Variants in CDH22 observed in about 807,000 individuals in gnomAD.
CDH22 encodes cadherin-22.
In CDH22, 30 loss-of-function variants were observed where a neutral mutation model predicts 58.4. The observed-to-expected ratio is 0.51, with a 90% CI of 0.38 to 0.70. CDH22 has a LOEUF of 0.70. CDH22 is among the 30% of genes least tolerant of loss of function. The probability of loss-of-function intolerance (pLI) is 0.00; values close to 1 mark genes in which losing one functional copy is unlikely to be tolerated. For missense variants in CDH22, 1,014 were observed against 1,233.9 expected, an observed-to-expected ratio of 0.82 and a Z score of 2.67; for synonymous variants, 513 against 558.2, an observed-to-expected ratio of 0.92 and a Z score of 1.14.
At chr20:46,224,327 A>C (rs1400657144) in intron 4 of CDH22, among the ~76,000 whole-genome samples, 1 of 152,232 alleles carries the variant, frequency 6.6e-6, no homozygotes, top group African/African-American at 2.4e-5. Context: ...TGCCTAGCAC[A>C]GAGCCAGGCA....
intron 1 of CDH22, among the ~76,000 whole-genome samples, chr20:46,275,364 C>T (rs1332270448): frequency 6.6e-5 from 10 of 152,128 alleles, no homozygotes. Flanking sequence ...TGCCATCTGA[C>T]TATCTTTGTT....
Position 46,241,807 on chromosome 20 carries a change from T to C in CDH22, c.256-550A>G, listed in dbSNP as rs1352844769. On this transcript the variant is annotated intron_variant, in intron 2 of 11. Transcript: ENST00000537909. This position sits in a 1 kb window ranked among gnomAD's most constrained non-coding sequence, Gnocchi z 5.2. ...CATGTTCAGCCTTGTAGGATGGCTG[T>C]AGCCAGCACTTCTCAAACTCTAGTA... Among the ~76,000 whole-genome samples the C allele has an allele frequency of 6.6e-6, 1 of 152,244 alleles. No homozygotes were observed. Among genetic ancestry groups the C allele is most frequent in the Non-Finnish European group, 1.5e-5 (1 of 68,040 alleles).
chr20:46,181,779 C>CTTTA (rs1363370122), intron 10 of CDH22, among the ~76,000 whole-genome samples: 4 of 127,800 alleles, frequency 3.1e-5, no homozygotes, highest in Non-Finnish European at 6.5e-5. Context: ...TTCTTTCTTT[C>CTTTA]TTTCTTTCTT....
In CDH22 at chr20:46,244,223, C is replaced by T. The variant is rs6074077; in HGVS notation, c.256-2966G>A. On this transcript the variant is annotated intron_variant, in intron 2 of 11. Coordinates refer to ENST00000537909, the MANE Select transcript of CDH22 (RefSeq NM_021248.3). ...CTTACGAGTGAGGAATGGAGAGGAG[C>T]GAGTAGAACCTAGTGGTGATGTCAT... Among the ~76,000 whole-genome samples the T allele has an allele frequency of 2.6e-5, 4 of 152,010 alleles. No homozygotes were observed. The South Asian group carries it at 6.2e-4, about 24-fold the overall frequency.
intron 1 of CDH22, among the ~76,000 whole-genome samples, chr20:46,290,516 G>T (rs1398976095): frequency 6.6e-6 from 1 of 152,234 alleles, no homozygotes; most frequent in Non-Finnish European, 1.5e-5. Context: ...TGAAGGGTTA[G>T]CCAAGGCTAA....
chr20:46,176,397 CG>C (rs2085739614), intron 11 of CDH22, among the ~76,000 whole-genome samples: 1 of 152,214 alleles, frequency 6.6e-6, no homozygotes, highest in African/African-American at 2.4e-5. Flanking sequence ...TTCCCCACCC[CG>C]AGTCTCCCCC....
At chr20:46,293,892 G>A (rs2086617186) in intron 1 of CDH22, among the ~76,000 whole-genome samples, 2 of 152,140 alleles carry the variant, frequency 1.3e-5, no homozygotes, top group Admixed American at 1.3e-4. Flanking sequence ...GCTCATGCCT[G>A]TAATCCCAGC....
At chr20:46,303,336 G>A (rs1040568619) in intron 1 of CDH22, among the ~76,000 whole-genome samples, 5 of 152,120 alleles carry the variant, frequency 3.3e-5, no homozygotes, top group African/African-American at 1.2e-4. Flanking sequence ...CTGCGAGACA[G>A]CCTGCAGGTG....
chr20:46,279,136 G>A (rs1600725209), intron 1 of CDH22, among the ~76,000 whole-genome samples: 1 of 152,196 alleles, frequency 6.6e-6, no homozygotes, highest in Non-Finnish European at 1.5e-5. Flanking sequence ...TGGCTCCCAC[G>A]TGGTTTTACT....
chr20:46,305,121 G>A lies in CDH22; in HGVS notation c.-400+3134C>T, dbSNP rs146233436. ...TGTGTATCATCAACAATGAGAAAAC[G>A]TCCCTCCTGCCAGATACACAGAGCT... On this transcript the variant is annotated intron_variant, in intron 1 of 11. Transcript: ENST00000537909. Among the ~76,000 whole-genome samples, 751 of 152,248 alleles carry A rather than the reference G, an allele frequency of 4.9e-3. 4 individuals are homozygous for A. The highest frequency in any genetic ancestry group is 0.017 in the African/African-American group (694 of 41,542).
In CDH22 at chr20:46,295,919, C is replaced by T. The variant is rs963851697; in HGVS notation, c.-400+12336G>A. On this transcript the variant is annotated intron_variant, in intron 1 of 11. Coordinates refer to ENST00000537909, the MANE Select transcript of CDH22 (RefSeq NM_021248.3). ...CTGGGATTACAGTCGTGTGCTGCCA[C>T]TCTTGGCTAATTTTTTAATTTTTGT... Among the ~76,000 whole-genome samples the T allele has an allele frequency of 7.2e-5, 11 of 152,312 alleles. No homozygotes were observed. In the East Asian group the frequency reaches 1.9e-3, roughly 27 times the overall value.
At chr20:46,245,425 T>C (rs2086321135) in intron 2 of CDH22, among the ~76,000 whole-genome samples, 1 of 152,178 alleles carries the variant, frequency 6.6e-6, no homozygotes, top group South Asian at 2.1e-4. Flanking sequence ...GTCATGGGCC[T>C]CAAGGTATGG....
At chr20:46,176,431 C>T (rs1181906609) in intron 11 of CDH22, among the ~76,000 whole-genome samples, 1 of 152,232 alleles carries the variant, frequency 6.6e-6, no homozygotes, top group Non-Finnish European at 1.5e-5. Flanking sequence ...GGAACCCCGA[C>T]TTTTCAATTA....
chr20:46,244,407 C>T (rs1207819337), intron 2 of CDH22, among the ~76,000 whole-genome samples: 4 of 152,164 alleles, frequency 2.6e-5, no homozygotes, highest in Admixed American at 1.3e-4. Flanking sequence ...GCCTGGGTCC[C>T]GGCTCCAGAG....
At chr20:46,247,961 G>C (rs2086342836) in intron 2 of CDH22, among the ~76,000 whole-genome samples, 1 of 152,192 alleles carries the variant, frequency 6.6e-6, no homozygotes, top group South Asian at 2.1e-4. Flanking sequence ...CTGGTTGCTG[G>C]GGGAAACAGA....
chr20:46,262,518 A>G (rs2086438359), intron 1 of CDH22, among the ~76,000 whole-genome samples: 2 of 152,146 alleles, frequency 1.3e-5, no homozygotes, highest in South Asian at 4.1e-4. Context: ...TTCCCCTTTA[A>G]GATAAAGCCC....
chr20:46,222,080 C>T (rs571147638), intron 4 of CDH22, among the ~76,000 whole-genome samples: 9 of 152,326 alleles, frequency 5.9e-5, no homozygotes, highest in Admixed American at 4.6e-4. Context: ...TCTGTTTCCT[C>T]TTATGTGAAA....
chr20:46,280,665 G>T (rs1401936559), intron 1 of CDH22, among the ~76,000 whole-genome samples: 1 of 152,206 alleles, frequency 6.6e-6, no homozygotes, highest in Non-Finnish European at 1.5e-5. Flanking sequence ...GATAGACCTT[G>T]GCTATTGGAC....
intron 10 of CDH22, among the ~76,000 whole-genome samples, chr20:46,181,549 G>C (rs972011510): frequency 1.1e-4 from 17 of 151,798 alleles, no homozygotes; most frequent in African/African-American, 4.1e-4. Flanking sequence ...GGAAAGCCTG[G>C]GAGGCTGTGG....
Sources: allele counts gnomAD v4.1 joint callset (sites outside exome capture counted in the v4.1 genomes callset), GRCh38; gene constraint gnomAD v4.1.1; non-coding constraint Gnocchi (gnomAD v3.1); transcripts MANE v1.5; gene names NCBI Gene and HGNC (gene_info 2026-07-23, HGNC 2026-07-21).